Variants in WASF3 observed in about 807,000 individuals in gnomAD.
WASF3 encodes WASP family member 3.
A neutral mutation model predicts 46.6 loss-of-function variants in WASF3; 11 were observed. The observed-to-expected ratio is 0.24, with a 90% CI of 0.15 to 0.39. The LOEUF (loss-of-function observed/expected upper bound fraction) is 0.39, where lower values mean the gene tolerates loss of function less well. WASF3 is among the 10% of genes least tolerant of loss of function. WASF3 has a pLI of 1.00. For missense variants in WASF3, 576 were observed against 669.8 expected (o/e 0.86, Z 1.55); for synonymous variants, 242 against 259.7 (o/e 0.93, Z 0.65).
rs1482502577 is a variant in WASF3, at chr13:26,585,179, A to G, written c.-109+27360A>G. On this transcript the variant is annotated intron_variant, in intron 1 of 9. Transcript: ENST00000335327. ...TATTTTGTGTCAAAAAGGAAGAACA[A>G]ATTGACAAGAACTTGGAGAAATACC... Among the ~76,000 whole-genome samples, 3 of 151,986 alleles carry G rather than the reference A, an allele frequency of 2.0e-5. No individual in the cohort carries two copies. In the East Asian group the frequency reaches 5.8e-4, roughly 29 times the overall value.
At chr13:26,544,190 A>G in the WASF3 span, among the ~76,000 whole-genome samples, 2 of 152,246 alleles carry the variant, frequency 1.3e-5, no homozygotes, top group African/African-American at 2.4e-5. Flanking sequence ...GAAAGGAGTC[A>G]GTGATATTAA....
At chr13:26,669,206 C>CTTTTTT (rs71080286) in intron 5 of WASF3, among the ~76,000 whole-genome samples, 4 of 65,326 alleles carry the variant, frequency 6.1e-5, no homozygotes, top group African/African-American at 1.7e-4. Context: ...ATATCTTTGA[C>CTTTTTT]TTTTTTTTTT....
intron 5 of WASF3, 132 bp downstream of exon 5, chr13:26,667,802 C>T: frequency 2.4e-6 from 2 of 823,390 alleles, no homozygotes; most frequent in Non-Finnish European, 3.6e-6. Context: ...TTGCTTCAAA[C>T]TTTGAAAATA....
the WASF3 span, among the ~76,000 whole-genome samples, chr13:26,541,211 C>T: frequency 3.9e-4 from 59 of 152,206 alleles, no homozygotes; most frequent in African/African-American, 8.9e-4. Flanking sequence ...GGCACTGGCC[C>T]GAGAGAGGAG....
chr13:26,605,516 TG>T (rs1880766963), intron 1 of WASF3, among the ~76,000 whole-genome samples: 1 of 152,038 alleles, frequency 6.6e-6, no homozygotes, highest in Admixed American at 6.5e-5. Context: ...CCTCTGCATT[TG>T]GGGAAAAAAA....
At chr13:26,570,697 G>T (rs1879608741) in intron 1 of WASF3, among the ~76,000 whole-genome samples, 1 of 152,152 alleles carries the variant, frequency 6.6e-6, no homozygotes, top group Non-Finnish European at 1.5e-5. Context: ...CCAGTCTTCT[G>T]TGTTTGGACA....
intron 2 of WASF3, chr13:26,626,321 G>A (rs1171612768): frequency 6.6e-6 from 1 of 152,280 alleles, no homozygotes; most frequent in African/African-American, 2.4e-5. Context: ...TCTGGGGGAT[G>A]GTGGACAGTT....
chr13:26,674,929 G>A (rs543556785), intron 6 of WASF3, among the ~76,000 whole-genome samples: 1 of 152,326 alleles, frequency 6.6e-6, no homozygotes, highest in East Asian at 1.9e-4. Flanking sequence ...GATTGAATGT[G>A]TTACATCGTC....
intron 3 of WASF3, among the ~76,000 whole-genome samples, chr13:26,649,321 A>C (rs1025450281): frequency 1.2e-4 from 19 of 152,350 alleles, no homozygotes; most frequent in Middle Eastern, 3.4e-3. Flanking sequence ...AGAGAAACAG[A>C]AGACAGTCAG....
At chr13:26,544,376 G>C in the WASF3 span, among the ~76,000 whole-genome samples, 1 of 152,194 alleles carries the variant, frequency 6.6e-6, no homozygotes, top group Non-Finnish European at 1.5e-5. Flanking sequence ...TTTATACCAA[G>C]AGTATGGAAT....
At position 26,616,735 on chromosome 13, in the gene WASF3, G is replaced by C. The variant is rs553902515; in HGVS notation, c.-11+3677G>C. On this transcript the variant is annotated intron_variant, in intron 2 of 9. Transcript: ENST00000335327. ...TTGGGGGGCTGTACATGAGTCAATA[G>C]CTGTGCAGGACAGAAGACCCCTAAT... Among the ~76,000 whole-genome samples, 130 of 152,230 alleles carry C rather than the reference G, an allele frequency of 8.5e-4. 1 individual carries two copies. Among genetic ancestry groups the C allele is most frequent in the African/African-American group, 3.0e-3 (126 of 41,534 alleles).
At chr13:26,613,150 C>T (rs1399993871) in intron 2 of WASF3, 92 bp downstream of exon 2, 6 of 149,872 alleles carry the variant, frequency 4.0e-5, no homozygotes, top group South Asian at 2.1e-4. Context: ...ATAAAATATT[C>T]TAATATTTTT....
upstream of WASF3, among the ~76,000 whole-genome samples, chr13:26,555,048 T>A (rs982800149): frequency 6.6e-6 from 1 of 152,212 alleles, no homozygotes; most frequent in African/African-American, 2.4e-5. Context: ...GTATTTGGTA[T>A]CCTTAGGTTT....
chr13:26,550,757 A>T, the WASF3 span, among the ~76,000 whole-genome samples: 1 of 152,144 alleles, frequency 6.6e-6, no homozygotes, highest in African/African-American at 2.4e-5. Context: ...TCCCCACCCC[A>T]GCAAGGCCAG....
chr13:26,628,676 A>T (rs1456097176), intron 2 of WASF3, among the ~76,000 whole-genome samples: 1 of 152,146 alleles, frequency 6.6e-6, no homozygotes, highest in Non-Finnish European at 1.5e-5. Context: ...ACATGAGTCC[A>T]AAGTACCGTG....
chr13:26,616,751 G>T (rs542840562), intron 2 of WASF3, among the ~76,000 whole-genome samples: 1 of 152,256 alleles, frequency 6.6e-6, no homozygotes, highest in South Asian at 2.1e-4. Flanking sequence ...CAGGACAGAA[G>T]ACCCCTAATT....
intron 3 of WASF3, among the ~76,000 whole-genome samples, chr13:26,650,045 G>A (rs1424231484): frequency 1.3e-5 from 2 of 152,036 alleles, no homozygotes; most frequent in Admixed American, 1.3e-4. Context: ...TTCCAGCCTG[G>A]GCAACAGAGT....
intron 3 of WASF3, among the ~76,000 whole-genome samples, chr13:26,659,838 G>C (rs1241276552): frequency 6.6e-6 from 1 of 152,156 alleles, no homozygotes; most frequent in African/African-American, 2.4e-5. Flanking sequence ...TCCAAGAGGG[G>C]AAGATGGGAG....
the WASF3 span, among the ~76,000 whole-genome samples, chr13:26,543,570 G>C: frequency 6.6e-6 from 1 of 152,098 alleles, no homozygotes; most frequent in Non-Finnish European, 1.5e-5. Context: ...AGGAAGAGAG[G>C]AGAAAGGGCG....
Sources: allele counts gnomAD v4.1 joint callset (sites outside exome capture counted in the v4.1 genomes callset), GRCh38; gene constraint gnomAD v4.1.1; transcripts MANE v1.5; gene names NCBI Gene and HGNC (gene_info 2026-07-23, HGNC 2026-07-21).